Variants in CNTNAP5 observed in about 807,000 individuals in gnomAD.
The protein encoded by CNTNAP5 is contactin-associated protein-like 5.
In CNTNAP5, 72 loss-of-function variants were observed where a neutral mutation model predicts 150.2. The observed-to-expected ratio is 0.48, with a 90% confidence interval of 0.40 to 0.58. The LOEUF is 0.58. Ranked by LOEUF, CNTNAP5 falls within the 20% of genes least tolerant of loss-of-function variation. The probability of loss-of-function intolerance (pLI) is 0.00; values close to 1 mark genes in which losing one functional copy is unlikely to be tolerated. For missense variants in CNTNAP5, 1,636 were observed against 1,626.2 expected (o/e 1.01, Z -0.10); for synonymous variants, 672 against 619.8 (o/e 1.08, Z -1.25).
intron 13 of CNTNAP5, among the ~76,000 whole-genome samples, chr2:124,652,562 C>T (rs1369249000): frequency 6.6e-6 from 1 of 152,206 alleles, no homozygotes; most frequent in South Asian, 2.1e-4. Flanking sequence ...AAGCCATAGT[C>T]TGGAAGATTC....
rs555240744 is a variant in CNTNAP5 at position 124,822,721 on chromosome 2, G to C, written c.3217+24401G>C. On this transcript the variant is annotated intron_variant, in intron 19 of 23. Coordinates refer to ENST00000682447, the MANE Select transcript of CNTNAP5 (RefSeq NM_001367498.1). ...TGATGTTTATACAGCAAATGCAGAT[G>C]TTATGTTTACTCACTGCAGAGCATT... 2.6e-5 allele frequency among the ~76,000 whole-genome samples: 4 copies of C among 152,294 alleles called. 1 individual carries two copies. The highest frequency in any genetic ancestry group is 9.6e-5 in the African/African-American group (4 of 41,560).
At chr2:124,472,187 G>C (rs1693533655) in intron 6 of CNTNAP5, among the ~76,000 whole-genome samples, 1 of 152,000 alleles carries the variant, frequency 6.6e-6, no homozygotes, top group Non-Finnish European at 1.5e-5. Flanking sequence ...TCACAATGTA[G>C]TAATATAATT....
intron 12 of CNTNAP5, among the ~76,000 whole-genome samples, chr2:124,615,086 A>G (rs989930668): frequency 6.6e-6 from 1 of 152,208 alleles, no homozygotes; most frequent in Non-Finnish European, 1.5e-5. Context: ...AAGAGACCCC[A>G]TCATTTTTGC....
intron 12 of CNTNAP5, among the ~76,000 whole-genome samples, chr2:124,630,060 A>G (rs2105008166): frequency 6.6e-6 from 1 of 152,064 alleles, no homozygotes; most frequent in East Asian, 1.9e-4. Flanking sequence ...AAGTTCTGAA[A>G]TTGAGGCAGC....
intron 3 of CNTNAP5, among the ~76,000 whole-genome samples, chr2:124,312,206 C>G (rs947853438): frequency 1.3e-5 from 2 of 152,078 alleles, no homozygotes; most frequent in Non-Finnish European, 2.9e-5. Context: ...TCCTTCAAGG[C>G]ATTAAGTGTA....
At chr2:124,631,333 G>T (rs1052188681) in intron 12 of CNTNAP5, among the ~76,000 whole-genome samples, 2 of 152,008 alleles carry the variant, frequency 1.3e-5, no homozygotes, top group African/African-American at 4.8e-5. Context: ...TATACTACAA[G>T]GCTGTAGTAA....
intron 3 of CNTNAP5, among the ~76,000 whole-genome samples, chr2:124,377,856 G>A (rs766556735): frequency 1.3e-5 from 2 of 151,966 alleles, no homozygotes; most frequent in Non-Finnish European, 2.9e-5. Flanking sequence ...AGCTACATAT[G>A]TGAACAATGA....
chr2:124,231,786 C>T (rs1170621), intron 2 of CNTNAP5, among the ~76,000 whole-genome samples: 118,440 of 151,998 alleles, frequency 0.78, 46,388 homozygotes, highest in East Asian at 1. Context: ...TGCTATTTAA[C>T]AGGAGCCTTG....
chr2:124,138,380 A>G (rs923533512), intron 1 of CNTNAP5, among the ~76,000 whole-genome samples: 1 of 152,202 alleles, frequency 6.6e-6, no homozygotes, highest in Admixed American at 6.5e-5. Flanking sequence ...TCATTCAGGG[A>G]CTTTGACAAT....
At chr2:124,901,099 T>A (rs1313604151) in intron 21 of CNTNAP5, among the ~76,000 whole-genome samples, 1 of 151,702 alleles carries the variant, frequency 6.6e-6, no homozygotes, top group Non-Finnish European at 1.5e-5. Flanking sequence ...AGAAGTTTTC[T>A]CATACATCTC....
At chr2:124,386,603 C>G (rs1191701078) in intron 3 of CNTNAP5, among the ~76,000 whole-genome samples, 9 of 152,238 alleles carry the variant, frequency 5.9e-5, no homozygotes. Flanking sequence ...TTGCAGCCTT[C>G]TTCAATAACT....
At chr2:124,191,908 A>G (rs569246625) in intron 1 of CNTNAP5, among the ~76,000 whole-genome samples, 46 of 152,154 alleles carry the variant, frequency 3.0e-4, no homozygotes, top group African/African-American at 1.1e-3. Context: ...CTGAAAAAAA[A>G]AAAAGCAAAG....
At chr2:124,355,137 T>C (rs1689965058) in intron 3 of CNTNAP5, among the ~76,000 whole-genome samples, 1 of 151,784 alleles carries the variant, frequency 6.6e-6, no homozygotes, top group African/African-American at 2.4e-5. Context: ...AAATGAATGA[T>C]ACTTTCAAAA....
chr2:124,417,375 C>G, intron 3 of CNTNAP5, 68 bp from the exon 4 acceptor site: 2 of 1,542,582 alleles, frequency 1.3e-6, no homozygotes, highest in Admixed American at 1.8e-5. Context: ...CGTGGAGTAA[C>G]AAATATGGTT....
intron 10 of CNTNAP5, among the ~76,000 whole-genome samples, chr2:124,546,792 T>A (rs1358155367): frequency 6.6e-6 from 1 of 152,166 alleles, no homozygotes; most frequent in Non-Finnish European, 1.5e-5. Context: ...ACAAACAAAT[T>A]TTCAGCCTGC....
intron 1 of CNTNAP5, among the ~76,000 whole-genome samples, chr2:124,126,966 A>C (rs2104594542): frequency 6.6e-6 from 1 of 152,322 alleles, no homozygotes; most frequent in South Asian, 2.1e-4. Flanking sequence ...CTGAATGGGC[A>C]AAAACTGGGA....
At chr2:124,530,948 AGGGACTGG>A (rs1695091121) in intron 10 of CNTNAP5, among the ~76,000 whole-genome samples, 1 of 152,110 alleles carries the variant, frequency 6.6e-6, no homozygotes, top group African/African-American at 2.4e-5. Context: ...TTTGGCATTC[AGGGACTGG>A]GGGCTTGGGG....
intron 1 of CNTNAP5, among the ~76,000 whole-genome samples, chr2:124,036,860 C>A (rs1356703068): frequency 6.6e-6 from 1 of 152,194 alleles, no homozygotes; most frequent in Non-Finnish European, 1.5e-5. Context: ...GGTGGTCACA[C>A]TGGGATTTTA....
At chr2:124,741,703 T>C (rs1280217340) in intron 13 of CNTNAP5, among the ~76,000 whole-genome samples, 1 of 152,180 alleles carries the variant, frequency 6.6e-6, no homozygotes, top group Non-Finnish European at 1.5e-5. Flanking sequence ...GCAAAATCCC[T>C]AGACTTGATC....
Sources: gnomAD v4.1 joint callset for allele counts (sites outside exome capture counted in the v4.1 genomes callset) on GRCh38, gnomAD v4.1.1 for gene constraint, MANE v1.5 for transcripts, NCBI Gene and HGNC (gene_info 2026-07-23, HGNC 2026-07-21) for gene names.